GPR39: variants seen among roughly 807,000 people sequenced by gnomAD.
The protein encoded by GPR39 is G protein-coupled receptor 39.
GPR39 carries 23 observed loss-of-function variants against 18.4 expected under a neutral mutation model. The ratio of observed to expected loss-of-function variants is 1.25; its 90% CI spans 0.90 to 1.77. GPR39 has a LOEUF of 1.77. Ranked by LOEUF, GPR39 falls within the 40% of genes most tolerant of loss-of-function variation. GPR39 has a pLI of 0.00. For missense variants in GPR39, 647 were observed against 602.4 expected (o/e 1.07, Z -0.78); for synonymous variants, 280 against 257.9 (o/e 1.09, Z -0.82).
At chr2:132,508,460 G>A (rs572785850) in intron 1 of GPR39, among the ~76,000 whole-genome samples, 1 of 152,188 alleles carries the variant, frequency 6.6e-6, no homozygotes, top group East Asian at 1.9e-4. Flanking sequence ...TAGAAGGGCT[G>A]CCCTCCGAGA....
chr2:132,526,679 C>G (rs879628120), intron 1 of GPR39, among the ~76,000 whole-genome samples: 3 of 152,186 alleles, frequency 2.0e-5, no homozygotes, highest in Admixed American at 6.5e-5. Flanking sequence ...TCTGGACTTT[C>G]TCTGCTGCCT....
intron 1 of GPR39, among the ~76,000 whole-genome samples, chr2:132,622,191 C>T (rs1437705402): frequency 4.6e-5 from 7 of 152,088 alleles, no homozygotes; most frequent in Admixed American, 2.6e-4. Flanking sequence ...GTCAGGAGTT[C>T]GAGACCAGCC....
At chr2:132,466,997 C>T (rs1035425072) in intron 1 of GPR39, among the ~76,000 whole-genome samples, 3 of 151,942 alleles carry the variant, frequency 2.0e-5, no homozygotes, top group Non-Finnish European at 4.4e-5. Context: ...AAAGTACCTG[C>T]CAAAAAATGG....
At chr2:132,548,997 T>C (rs1679994794) in intron 1 of GPR39, among the ~76,000 whole-genome samples, 1 of 152,232 alleles carries the variant, frequency 6.6e-6, no homozygotes, top group East Asian at 1.9e-4. Context: ...TATGTGTATA[T>C]GTATTCTTAT....
Position 132,439,011 on chromosome 2 carries a change from C to T in GPR39, c.856+21113C>T, listed in dbSNP as rs185799577. 2.6e-5 allele frequency among the ~76,000 whole-genome samples: 4 copies of T among 152,280 alleles called. No homozygotes were observed. In the East Asian group the frequency reaches 7.7e-4, roughly 29 times the overall value. ...CAAATGCCAAAATGCTAGGCTGGAG[C>T]CCTGATGCTATTCATAATAACATTC... On this transcript the variant is annotated intron_variant, in intron 1 of 1. Transcript: ENST00000329321.
intron 1 of GPR39, among the ~76,000 whole-genome samples, chr2:132,546,330 G>A (rs1471942566): frequency 6.6e-6 from 1 of 152,162 alleles, no homozygotes; most frequent in South Asian, 2.1e-4. Flanking sequence ...ATAACAAGAG[G>A]CCCCACAGGG....
At chr2:132,492,850 C>CAT (rs1334083258) in intron 1 of GPR39, among the ~76,000 whole-genome samples, 27 of 139,246 alleles carry the variant, frequency 1.9e-4, no homozygotes, top group African/African-American at 6.6e-4. Flanking sequence ...ATATATACAC[C>CAT]ATATATATAC....
At chr2:132,469,390 T>C (rs754458496) in intron 1 of GPR39, among the ~76,000 whole-genome samples, 31 of 152,208 alleles carry the variant, frequency 2.0e-4, no homozygotes, top group Non-Finnish European at 4.0e-4. Flanking sequence ...TATTGGCAAA[T>C]TGTTATCCTT....
chr2:132,474,297 G>T (rs934252376), intron 1 of GPR39, among the ~76,000 whole-genome samples: 20 of 152,164 alleles, frequency 1.3e-4, no homozygotes, highest in African/African-American at 4.8e-4. Context: ...CTTTTCTTCA[G>T]TCTGCTGTCT....
intron 1 of GPR39, among the ~76,000 whole-genome samples, chr2:132,469,950 G>A (rs1681000798): frequency 6.6e-6 from 1 of 152,186 alleles, no homozygotes; most frequent in Non-Finnish European, 1.5e-5. Context: ...AGAGGAGTTG[G>A]CAAAAGTCTG....
chr2:132,645,966 G>A lies in GPR39; in HGVS notation c.*360G>A. 9.1e-7 allele frequency: 1 copy of A among 1,093,314 alleles called. No individual in the cohort carries two copies. Among genetic ancestry groups the A allele is most frequent in the Non-Finnish European group, 1.3e-6 (1 of 769,968 alleles). The allele number at this position is 1,093,314 out of a possible 1,614,324, so 67.7% of individuals were successfully genotyped here. A position where few individuals can be genotyped will look rare whatever the true frequency, so the allele number is the denominator to read the frequency against. ...ACCCAGAATAAAAGGACACCCAGAA[G>A]AAACTCACTCAGGGAGGTGGGGGGT... On this transcript the variant is annotated 3_prime_UTR_variant, in exon 2 of 2. Coordinates refer to ENST00000329321, the MANE Select transcript of GPR39 (RefSeq NM_001508.3).
chr2:132,534,365 A>G (rs1679701941), intron 1 of GPR39, among the ~76,000 whole-genome samples: 1 of 150,396 alleles, frequency 6.6e-6, no homozygotes, highest in Non-Finnish European at 1.5e-5. Context: ...ATGTGGAGAA[A>G]TAGGAACACT....
At chr2:132,467,402 A>C (rs529761376) in intron 1 of GPR39, among the ~76,000 whole-genome samples, 1 of 152,260 alleles carries the variant, frequency 6.6e-6, no homozygotes, top group East Asian at 1.9e-4. Context: ...GAAACTGAGG[A>C]CTACTAGAGA....
rs192569598 is a variant in GPR39 at position 132,500,300 on chromosome 2, T to C, written c.856+82402T>C. Among the ~76,000 whole-genome samples the C allele has an allele frequency of 1.6e-4, 24 of 152,342 alleles. No homozygotes were observed. The East Asian group carries it at 4.4e-3, about 28-fold the overall frequency. ...GCAGGTTTTAATCATAAAGGGATGC[T>C]GGATTTTGTCAAATGCTTTTTCTGT... On this transcript the variant is annotated intron_variant, in intron 1 of 1. Transcript: ENST00000329321.
In GPR39 at chr2:132,645,789, C is replaced by A; in HGVS notation, c.*183C>A. 1.2e-6 allele frequency: 1 copy of A among 840,188 alleles called. No homozygotes were observed. Among genetic ancestry groups the A allele is most frequent in the Non-Finnish European group, 1.8e-6 (1 of 557,336 alleles). The allele number at this position is 840,188 out of a possible 1,614,324, so 52.0% of individuals were successfully genotyped here. On this transcript the variant is annotated 3_prime_UTR_variant, in exon 2 of 2. Transcript: ENST00000329321. ...GACTCTGCCAGCCTGGCCTTGACTCCGGTTACACAGACATGGGGGTGAACT... is the reference window on the plus strand; with the variant it reads ...GACTCTGCCAGCCTGGCCTTGACTCAGGTTACACAGACATGGGGGTGAACT...
At chr2:132,463,363 C>G (rs1204953492) in intron 1 of GPR39, among the ~76,000 whole-genome samples, 1 of 148,882 alleles carries the variant, frequency 6.7e-6, no homozygotes. Context: ...GCAACAACCT[C>G]TGTTCTCTTG....
At position 132,646,320 on chromosome 2, in the gene GPR39, G is replaced by A. The variant is rs746422182; in HGVS notation, c.*714G>A. The A allele has an allele frequency of 3.1e-5, 42 of 1,352,322 alleles. No individual in the cohort carries two copies. In the East Asian group the frequency reaches 1.0e-3, roughly 32 times the overall value. 83.8% of individuals were successfully genotyped at this position (1,352,322 alleles called of 1,614,324 possible). On this transcript the variant is annotated 3_prime_UTR_variant, in exon 2 of 2. Transcript: ENST00000329321. Reference sequence around the variant, plus strand: ...CAAAGGAGCTGAGTTAACGTGCACCGGCAAAAGAATAGCTGTCCCTCTCAG... The same window carrying A: ...CAAAGGAGCTGAGTTAACGTGCACCAGCAAAAGAATAGCTGTCCCTCTCAG...
intron 1 of GPR39, among the ~76,000 whole-genome samples, chr2:132,428,789 CTTG>C (rs1223355738): frequency 7.9e-5 from 12 of 152,322 alleles, no homozygotes; most frequent in South Asian, 4.1e-4. Flanking sequence ...CTGTCAATCA[CTTG>C]TTGTGTAGTT....
At chr2:132,418,010 T>TGG in intron 1 of GPR39, 112 bp downstream of exon 1, 1 of 1,310,536 alleles carries the variant, frequency 7.6e-7, no homozygotes, top group East Asian at 2.3e-5. Context: ...ATTGCACACT[T>TGG]AAGTTTACTA....
Sources: allele counts gnomAD v4.1 joint callset (sites outside exome capture counted in the v4.1 genomes callset), GRCh38; gene constraint gnomAD v4.1.1; transcripts MANE v1.5; gene names NCBI Gene and HGNC (gene_info 2026-07-23, HGNC 2026-07-21).